Variants in RAPGEF5 observed in about 807,000 individuals in gnomAD.
The protein encoded by RAPGEF5 is M-Ras-regulated GEF.
A neutral mutation model predicts 125.2 loss-of-function variants in RAPGEF5; 65 were observed. That is an observed-to-expected ratio of 0.52 (90% confidence interval 0.43 to 0.64). The LOEUF is 0.64. RAPGEF5 is among the 30% of genes least tolerant of loss of function. RAPGEF5 has a pLI of 0.00. For missense variants in RAPGEF5, 958 were observed against 1,048.1 expected (o/e 0.91, Z 1.19); for synonymous variants, 391 against 385.9 (o/e 1.01, Z -0.16).
intron 4 of RAPGEF5, 93 bp from the exon 5 acceptor site, chr7:22,308,600 G>A (rs1344677132): frequency 1.1e-5 from 12 of 1,048,828 alleles, no homozygotes; most frequent in Admixed American, 3.1e-5. Context: ...CCTAATAATT[G>A]GGAGCAATCA....
At chr7:22,256,368 T>C (rs1227446590) in intron 7 of RAPGEF5, among the ~76,000 whole-genome samples, 1 of 152,142 alleles carries the variant, frequency 6.6e-6, no homozygotes, top group Non-Finnish European at 1.5e-5. Flanking sequence ...CTGAGGTGAA[T>C]GAATGTAAAA....
intron 11 of RAPGEF5, among the ~76,000 whole-genome samples, chr7:22,182,389 AGGTTGTC>A (rs1784701705): frequency 6.6e-6 from 1 of 152,178 alleles, no homozygotes; most frequent in Non-Finnish European, 1.5e-5. Flanking sequence ...TAAAATTACT[AGGTTGTC>A]AAACCCACAA....
intron 11 of RAPGEF5, among the ~76,000 whole-genome samples, chr7:22,176,274 G>C (rs1431500499): frequency 6.6e-6 from 1 of 152,250 alleles, no homozygotes; most frequent in Middle Eastern, 3.4e-3. Flanking sequence ...CCCATGACAT[G>C]CAGGAATTGT....
chr7:22,176,690 G>A (rs567684830), intron 11 of RAPGEF5, among the ~76,000 whole-genome samples: 28 of 152,108 alleles, frequency 1.8e-4, no homozygotes, highest in African/African-American at 5.3e-4. Flanking sequence ...CACCATGCCC[G>A]GGTAATTTTT....
intron 16 of RAPGEF5, among the ~76,000 whole-genome samples, chr7:22,155,695 T>G (rs901130569): frequency 6.6e-6 from 1 of 152,242 alleles, no homozygotes; most frequent in African/African-American, 2.4e-5. Flanking sequence ...CAACAGCATG[T>G]AACAAATAGT....
At chr7:22,241,961 T>C (rs1786342562) in intron 7 of RAPGEF5, among the ~76,000 whole-genome samples, 1 of 152,174 alleles carries the variant, frequency 6.6e-6, no homozygotes, top group African/African-American at 2.4e-5. Flanking sequence ...TCTCCTGCGA[T>C]GCTAAGTTGC....
At chr7:22,194,155 T>A in intron 9 of RAPGEF5, 122 bp from the exon 10 acceptor site, 1 of 831,376 alleles carries the variant, frequency 1.2e-6, no homozygotes, top group Non-Finnish European at 1.9e-6. Context: ...TATCATCTCT[T>A]CAAAGATTGA....
At chr7:22,294,436 C>T (rs1783005477) in intron 5 of RAPGEF5, among the ~76,000 whole-genome samples, 1 of 152,132 alleles carries the variant, frequency 6.6e-6, no homozygotes, top group Non-Finnish European at 1.5e-5. Flanking sequence ...TCTGTAAGTT[C>T]AAGAGGTCTG....
chr7:22,341,652 G>A (rs540464650), intron 1 of RAPGEF5, among the ~76,000 whole-genome samples: 1 of 152,322 alleles, frequency 6.6e-6, no homozygotes, highest in Admixed American at 6.5e-5. Flanking sequence ...TGGGAGAATT[G>A]GCCAAAACAA....
chr7:22,342,017 C>T (rs1349837913), intron 1 of RAPGEF5, among the ~76,000 whole-genome samples: 2 of 152,214 alleles, frequency 1.3e-5, no homozygotes, highest in Non-Finnish European at 2.9e-5. Flanking sequence ...CCCCACATTC[C>T]CCTTCCACAA....
intron 1 of RAPGEF5, among the ~76,000 whole-genome samples, chr7:22,322,889 G>A (rs1431823617): frequency 1.3e-5 from 2 of 152,212 alleles, no homozygotes; most frequent in African/African-American, 4.8e-5. Flanking sequence ...AAAAATAAGT[G>A]ATTGAGAATG....
At chr7:22,143,111 A>T (rs1395525918) in intron 20 of RAPGEF5, among the ~76,000 whole-genome samples, 1 of 152,194 alleles carries the variant, frequency 6.6e-6, no homozygotes, top group Admixed American at 6.5e-5. Context: ...TATCCACATA[A>T]TTAGCATTTA....
intron 2 of RAPGEF5, among the ~76,000 whole-genome samples, chr7:22,317,019 A>G (rs1202745795): frequency 1.3e-5 from 2 of 151,876 alleles, no homozygotes; most frequent in Admixed American, 1.3e-4. Flanking sequence ...CAGATGACAG[A>G]AAGTATTACC....
At chr7:22,175,448 A>C (rs954987149) in intron 11 of RAPGEF5, among the ~76,000 whole-genome samples, 10 of 152,256 alleles carry the variant, frequency 6.6e-5, no homozygotes, top group Non-Finnish European at 1.2e-4. Context: ...TGCTCTCACA[A>C]GGAGCTGGGA....
At chr7:22,333,341 G>C (rs1783959000) in intron 1 of RAPGEF5, among the ~76,000 whole-genome samples, 1 of 152,088 alleles carries the variant, frequency 6.6e-6, no homozygotes, top group African/African-American at 2.4e-5. Flanking sequence ...AGCATATTCA[G>C]TGCATGGGAT....
chr7:22,120,628 C>CGGCTCT lies in RAPGEF5; in HGVS notation c.*1772_*1777dup, dbSNP rs1782555463. On this transcript the variant is annotated 3_prime_UTR_variant, in exon 26 of 26. Coordinates refer to ENST00000665637, the MANE Select transcript of RAPGEF5 (RefSeq NM_012294.5). The surrounding 1 kb of genome is among the most constrained non-coding windows in gnomAD (Gnocchi z 4.0). ...AGGGAAGTCTGCTCTCCGGTTCTCACGGCTCTGGTGTCCTGTGGGCCACAT... is the reference window on the plus strand; with the variant it reads ...AGGGAAGTCTGCTCTCCGGTTCTCACGGCTCTGGCTCTGGTGTCCTGTGGGCCACAT... 1.3e-5 allele frequency: 2 copies of CGGCTCT among 152,680 alleles called. No homozygotes were observed. The highest frequency in any genetic ancestry group is 1.3e-4 in the Admixed American group (2 of 15,280). 9.5% of individuals were successfully genotyped at this position (152,680 alleles called of 1,614,324 possible).
chr7:22,128,185 G>T (rs1269453733), intron 24 of RAPGEF5, among the ~76,000 whole-genome samples: 1 of 152,088 alleles, frequency 6.6e-6, no homozygotes, highest in Non-Finnish European at 1.5e-5. Context: ...AGGGGGAGGG[G>T]GTAGACAGGG....
intron 9 of RAPGEF5, among the ~76,000 whole-genome samples, chr7:22,212,291 C>G (rs1056374697): frequency 9.2e-5 from 14 of 152,148 alleles, no homozygotes; most frequent in Non-Finnish European, 1.8e-4. Context: ...GTTCTTTCCT[C>G]TGCCTGGAAC....
chr7:22,289,609 A>G (rs1782883511), intron 6 of RAPGEF5, among the ~76,000 whole-genome samples: 1 of 150,476 alleles, frequency 6.6e-6, no homozygotes, highest in Admixed American at 6.6e-5. Context: ...CTTTGTGGTC[A>G]ATATTTTAAA....
Sources: gnomAD v4.1 joint callset for allele counts (sites outside exome capture counted in the v4.1 genomes callset) on GRCh38, gnomAD v4.1.1 for gene constraint, Gnocchi (gnomAD v3.1) non-coding constraint, MANE v1.5 for transcripts, NCBI Gene and HGNC (gene_info 2026-07-23, HGNC 2026-07-21) for gene names.